Variants in LRP1 observed in about 807,000 individuals in gnomAD.
LRP1 encodes LDL receptor related protein 1.
Under a neutral mutation model 541.5 loss-of-function variants are expected in LRP1, and 51 were observed. That is an observed-to-expected ratio of 0.09 (90% CI 0.08 to 0.12). The LOEUF (loss-of-function observed/expected upper bound fraction) is 0.12, where lower values mean the gene tolerates loss of function less well. LRP1 is among the 10% of genes least tolerant of loss of function. The pLI is 1.00. For synonymous variants in LRP1, 2,219 were observed against 2,470.8 expected, an observed-to-expected ratio of 0.90 and a Z score of 3.02; for missense variants, 3,878 against 6,376.2, an observed-to-expected ratio of 0.61 and a Z score of 13.34.
At position 57,194,464 on chromosome 12, in the gene LRP1, A is replaced by C; in HGVS notation, c.8029A>C (p.Asn2677His). 1 of 1,575,368 alleles carries C rather than the reference A, an allele frequency of 6.3e-7. No homozygotes were observed. The highest frequency in any genetic ancestry group is 8.6e-7 in the Non-Finnish European group (1 of 1,159,394). ...YAPSWVCDGANDCGDYSDERD... is the reference protein window; with the variant it reads ...YAPSWVCDGAHDCGDYSDERD... ...ACCCAGCTGGGTGTGTGATGGCGCC[A>C]ATGACTGTGGGGACTACAGTGATGA... Residue 2677 changes from asparagine (N) to histidine (H), a missense_variant, in exon 49 of 89, where the codon AAT (asparagine) becomes CAT (histidine). Physicochemically the swap from Asn to His is moderately conservative, Grantham distance 68. Coordinates refer to ENST00000243077, the MANE Select transcript of LRP1 (RefSeq NM_002332.3).
Position 57,173,016 on chromosome 12 carries a change from T to C in LRP1, c.3164-152T>C. 1 of 608,256 alleles carries C rather than the reference T, an allele frequency of 1.6e-6. No individual in the cohort carries two copies. Among genetic ancestry groups the C allele is most frequent in the South Asian group, 2.1e-5 (1 of 47,416 alleles). The allele number at this position is 608,256 out of a possible 1,614,324, so 37.7% of individuals were successfully genotyped here. A position where few individuals can be genotyped will look rare whatever the true frequency, so the allele number is the denominator to read the frequency against. ...CTGACTCTACTACTGAGTTGGTGCT[T>C]CCAAGGAGTGTCAGCAAAGCTTGGC... is the stretch of plus-strand genomic sequence containing the variant. On this transcript the variant is annotated intron_variant, in intron 20 of 88. Coordinates refer to ENST00000243077, the MANE Select transcript of LRP1 (RefSeq NM_002332.3). The surrounding 1 kb of genome is among the most constrained non-coding windows in gnomAD (Gnocchi z 4.7).
Position 57,178,978 on chromosome 12 carries a change from C to T in LRP1, c.4695C>T (p.Cys1565=), listed in dbSNP as rs762016790. 6 of 1,614,132 alleles carry T rather than the reference C, an allele frequency of 3.7e-6. No homozygotes were observed. The highest frequency in any genetic ancestry group is 4.5e-5 in the East Asian group (2 of 44,880). Reference sequence around the variant, plus strand: ...ACAACCGGACCGTGTCCTGCGCCTGCCCCCACCTCATGAAGCTCCACAAGG... The same window carrying T: ...ACAACCGGACCGTGTCCTGCGCCTGTCCCCACCTCATGAAGCTCCACAAGG... ...INYNRTVSCA[C]PHLMKLHKDN... Residue 1565 remains cysteine (C), a synonymous_variant, in exon 28 of 89, where the codon TGC becomes TGT. Transcript: ENST00000243077. This position sits in a 1 kb window ranked among gnomAD's most constrained non-coding sequence, Gnocchi z 5.8.
At chr12:57,136,082 T>TCAGGGGAAGCGGA (rs1019927041) in intron 1 of LRP1, among the ~76,000 whole-genome samples, 4 of 152,166 alleles carry the variant, frequency 2.6e-5, no homozygotes, top group African/African-American at 9.7e-5. Context: ...CCACGGCTGG[T>TCAGGGGAAGCGGA]CAGGGGAAGC....
intron 34 of LRP1, among the ~76,000 whole-genome samples, chr12:57,182,374 G>A (rs1291505853): frequency 6.6e-6 from 1 of 152,114 alleles, no homozygotes; most frequent in Non-Finnish European, 1.5e-5. Flanking sequence ...AGCTGGGCGT[G>A]GTGGTGGGCA....
rs772873914 is a variant in LRP1 at position 57,204,473 on chromosome 12, A to C, written c.11015A>C (p.Lys3672Thr). The C allele has an allele frequency of 6.3e-7, 1 of 1,577,132 alleles. No individual in the cohort carries two copies. The highest frequency in any genetic ancestry group is 1.2e-5 in the South Asian group (1 of 85,270). Residue 3672 changes from lysine to threonine, a missense_variant, in exon 71 of 89, where the codon AAG (lysine) becomes ACG (threonine). Around this residue, in one of 13 missense-constraint regions of LRP1, gnomAD observed 278 missense variants for 536.3 expected, o/e 0.52. Coordinates refer to ENST00000243077, the MANE Select transcript of LRP1 (RefSeq NM_002332.3). This position sits in a 1 kb window ranked among gnomAD's most constrained non-coding sequence, Gnocchi z 5.3. ...ACCTTGTGCAAGCCGCTGGCCTGGA[A>C]GTGCGATGGCGAGGATGACTGTGGG... Reference protein sequence around the residue: ...NNTLCKPLAWKCDGEDDCGDN... With the variant: ...NNTLCKPLAWTCDGEDDCGDN...
At chr12:57,196,498 A>G (rs2036536760) in intron 55 of LRP1, among the ~76,000 whole-genome samples, 1 of 152,318 alleles carries the variant, frequency 6.6e-6, no homozygotes, top group Non-Finnish European at 1.5e-5. Context: ...GGAGTGAGGC[A>G]TCAAGTAGGC....
Position 57,197,676 on chromosome 12 carries a change from G to T in LRP1, c.9282+12G>T. 1 of 1,610,262 alleles carries T rather than the reference G, an allele frequency of 6.2e-7. No homozygotes were observed. Among genetic ancestry groups the T allele is most frequent in the Non-Finnish European group, 8.5e-7 (1 of 1,178,942 alleles). On this transcript the variant is annotated intron_variant, in intron 58 of 88. Coordinates refer to ENST00000243077, the MANE Select transcript of LRP1 (RefSeq NM_002332.3). This position sits in a 1 kb window ranked among gnomAD's most constrained non-coding sequence, Gnocchi z 4.5. ...GGAGCAATGTGCAGGTGAGGCGGGC[G>T]GCCCTCGGCGACCAACACTGGCCCG... is the stretch of plus-strand genomic sequence containing the variant.
Position 57,184,007 on chromosome 12 carries a change from G to C in LRP1, c.5930-78G>C, listed in dbSNP as rs972652074. ...GCGGGAGCAGGAAGAGGAGCTGTAGGGGTGCCTGGGAGCTTGGAGACACCA... is the reference window on the plus strand; with the variant it reads ...GCGGGAGCAGGAAGAGGAGCTGTAGCGGTGCCTGGGAGCTTGGAGACACCA... On this transcript the variant is annotated intron_variant, in intron 36 of 88. Transcript: ENST00000243077. This position sits in a 1 kb window ranked among gnomAD's most constrained non-coding sequence, Gnocchi z 7.8. The C allele has an allele frequency of 2.5e-6, 4 of 1,601,366 alleles. No individual in the cohort carries two copies. Among genetic ancestry groups the C allele is most frequent in the Non-Finnish European group, 3.4e-6 (4 of 1,172,580 alleles).
At chr12:57,143,625 G>T (rs1031100996) in intron 3 of LRP1, 54 bp from the exon 4 acceptor site, 46 of 1,585,602 alleles carry the variant, frequency 2.9e-5, no homozygotes, top group Admixed American at 2.7e-4. Flanking sequence ...TGTGGCCTGC[G>T]TGGAGCTGCC....
rs767773813 is a variant in LRP1, at chr12:57,192,936, G to A, written c.7521G>A (p.Gly2507=). 6.8e-6 allele frequency: 11 copies of A among 1,613,906 alleles called. No individual in the cohort carries two copies. Among genetic ancestry groups the A allele is most frequent in the Non-Finnish European group, 9.3e-6 (11 of 1,179,998 alleles). ...GCCATGTCAACTGCTCATGCCGAGG[G>A]GGCCGAATCCTCCAGGATGACCTCA... is the stretch of plus-strand genomic sequence containing the variant. The part of the protein sequence containing the change: ...HQGHVNCSCR[G]GRILQDDLTC... The change falls in exon 45 of 89, where the codon GGG becomes GGA. Residue 2507 remains glycine (G), a synonymous_variant. Transcript: ENST00000243077.
At chr12:57,150,607 G>A (rs1323523750) in intron 6 of LRP1, among the ~76,000 whole-genome samples, 1 of 152,216 alleles carries the variant, frequency 6.6e-6, no homozygotes, top group African/African-American at 2.4e-5. Flanking sequence ...GAGTCAGGAG[G>A]CCACAGGGCT....
chr12:57,203,527 C>T lies in LRP1; in HGVS notation c.10951+6C>T. On this transcript the variant is annotated splice_donor_region_variant and intron_variant, in intron 70 of 88. Transcript: ENST00000243077. ...GGAGGCCTGCGGCACTGGCGGTGCG[C>T]CCCTTGGCTTGGTCTCCCTGGGTCC... The T allele has an allele frequency of 2.6e-6, 4 of 1,526,964 alleles. No homozygotes were observed. The highest frequency in any genetic ancestry group is 3.5e-6 in the Non-Finnish European group (4 of 1,131,654). The allele number at this position is 1,526,964 out of a possible 1,614,324, so 94.6% of individuals were successfully genotyped here.
At position 57,207,314 on chromosome 12, in the gene LRP1, TAAATAAATA is replaced by T. The variant is rs1163483289; in HGVS notation, c.11859+581_11859+589del. ...CTCGGTCTCTAAATAAATAAATAAA[TAAATAAATA>T]AAATAAAATAAAATAAAAATACAAA... On this transcript the variant is annotated intron_variant, in intron 76 of 88. Transcript: ENST00000243077. Among the ~76,000 whole-genome samples the T allele has an allele frequency of 1.8e-4, 23 of 124,352 alleles. No homozygotes were observed. The East Asian group carries it at 2.7e-3, about 15-fold the overall frequency. 81.6% of individuals were successfully genotyped at this position (124,352 alleles called of 152,430 possible). A position where few individuals can be genotyped will look rare whatever the true frequency, so the allele number is the denominator to read the frequency against.
intron 6 of LRP1, among the ~76,000 whole-genome samples, chr12:57,150,836 A>T (rs548208573): frequency 1.4e-4 from 21 of 152,262 alleles, no homozygotes; most frequent in African/African-American, 5.1e-4. Context: ...TTGGAAGGTG[A>T]CAGAACCAGA....
At chr12:57,142,375 C>T (rs988494204) in intron 3 of LRP1, among the ~76,000 whole-genome samples, 2 of 152,162 alleles carry the variant, frequency 1.3e-5, no homozygotes, top group Non-Finnish European at 2.9e-5. Context: ...GTGCTGTGTG[C>T]CTGAGAAAAC....
chr12:57,181,508 G>C (rs2036166682), intron 34 of LRP1, among the ~76,000 whole-genome samples: 1 of 152,214 alleles, frequency 6.6e-6, no homozygotes, highest in Non-Finnish European at 1.5e-5. Flanking sequence ...GCATGGAAGA[G>C]GCATGCTCTG....
rs371605852 is a variant in LRP1, at chr12:57,183,933, G to A, written c.5929+24G>A. The A allele has an allele frequency of 9.9e-6, 16 of 1,613,746 alleles. No individual in the cohort carries two copies. In the African/African-American group the frequency reaches 2.1e-4, roughly 22 times the overall value. ...AGGTGAGCAGTGGGCAGGTTTGTGG[G>A]GCTTGGGGTGTGGCAGAGGACTGGG... On this transcript the variant is annotated intron_variant, in intron 36 of 88. Transcript: ENST00000243077. This position sits in a 1 kb window ranked among gnomAD's most constrained non-coding sequence, Gnocchi z 6.1.
Position 57,211,647 on chromosome 12 carries a change from G to A in LRP1, c.13193+59G>A, listed in dbSNP as rs548156078. On this transcript the variant is annotated intron_variant, in intron 85 of 88. Coordinates refer to ENST00000243077, the MANE Select transcript of LRP1 (RefSeq NM_002332.3). This position sits in a 1 kb window ranked among gnomAD's most constrained non-coding sequence, Gnocchi z 4.3. ...TCATCGCTCCCTTCCCCAGATTTGA[G>A]CAGGAGGACCGTCAGGCCTCAGTGC... 6.2e-7 allele frequency: 1 copy of A among 1,603,746 alleles called. No individual in the cohort carries two copies. Among genetic ancestry groups the A allele is most frequent in the Admixed American group, 1.7e-5 (1 of 59,856 alleles).
Position 57,167,056 on chromosome 12 carries a change from A to G in LRP1, c.2914+10A>G, listed in dbSNP as rs776003180. ...GAGTCTGCTTCGTGTGGTAAGAGGGATGGGCAGAGGGAGTCAGGCTGGGCC... is the reference window on the plus strand; with the variant it reads ...GAGTCTGCTTCGTGTGGTAAGAGGGGTGGGCAGAGGGAGTCAGGCTGGGCC... On this transcript the variant is annotated intron_variant, in intron 18 of 88. Transcript: ENST00000243077. 1 of 1,608,704 alleles carries G rather than the reference A, an allele frequency of 6.2e-7. No homozygotes were observed. Among genetic ancestry groups the G allele is most frequent in the Admixed American group, 1.7e-5 (1 of 59,940 alleles).
Sources: gnomAD v4.1 joint callset for allele counts (sites outside exome capture counted in the v4.1 genomes callset) on GRCh38, gnomAD v4.1.1 for gene constraint, gnomAD v4.1.1 regional missense constraint, Gnocchi (gnomAD v3.1) non-coding constraint, MANE v1.5 for transcripts, NCBI Gene and HGNC (gene_info 2026-07-23, HGNC 2026-07-21) for gene names.